The following ADAM12 variants were observed in gnomAD, a reference collection of about 807,000 sequenced individuals.
The protein encoded by ADAM12 is ADAM metallopeptidase domain 12.
A neutral mutation model predicts 106.4 loss-of-function variants in ADAM12; 70 were observed. The observed-to-expected ratio is 0.66, with a 90% CI of 0.54 to 0.80. The LOEUF is 0.80. ADAM12 is among the 30% of genes least tolerant of loss of function. ADAM12 has a pLI of 0.00. For synonymous variants in ADAM12, 420 were observed against 433.5 expected (o/e 0.97, Z 0.39); for missense variants, 1,010 against 1,171.9 (o/e 0.86, Z 2.02).
At chr10:126,295,436 G>A (rs1960323702) in intron 2 of ADAM12, among the ~76,000 whole-genome samples, 1 of 152,136 alleles carries the variant, frequency 6.6e-6, no homozygotes. Context: ...TTTTGTCTAA[G>A]AATATATTTC....
At chr10:126,364,586 C>A (rs1320658498) in intron 1 of ADAM12, among the ~76,000 whole-genome samples, 2 of 151,984 alleles carry the variant, frequency 1.3e-5, no homozygotes, top group African/African-American at 4.8e-5. Flanking sequence ...AAAAATAACA[C>A]CTAAAAAGTG....
chr10:126,154,112 T>C (rs1348927753), intron 4 of ADAM12, among the ~76,000 whole-genome samples: 1 of 152,152 alleles, frequency 6.6e-6, no homozygotes, highest in East Asian at 1.9e-4. Context: ...GTTACTTCTC[T>C]TTTTCCAAAC....
At chr10:126,221,823 C>T (rs541621988) in intron 3 of ADAM12, among the ~76,000 whole-genome samples, 39 of 152,286 alleles carry the variant, frequency 2.6e-4, no homozygotes, top group African/African-American at 7.0e-4. Context: ...CCAGGTGCTA[C>T]GAAACTCTAC....
At chr10:126,282,935 T>C in intron 2 of ADAM12, among the ~76,000 whole-genome samples, 1 of 152,098 alleles carries the variant, frequency 6.6e-6, no homozygotes, top group Non-Finnish European at 1.5e-5. Flanking sequence ...ACTTTATTTC[T>C]ATCGTCATTA....
chr10:126,158,391 G>GGAGAGGATGCACAGAGCACGGA (rs1316587465), intron 3 of ADAM12, among the ~76,000 whole-genome samples: 1 of 80,180 alleles, frequency 1.2e-5, no homozygotes, highest in African/African-American at 4.0e-5. Context: ...CAGAGCATGG[G>GGAGAGGATGCACAGAGCACGGA]GAGAGGATGC....
chr10:126,080,624 G>C (rs1955194002), intron 11 of ADAM12, among the ~76,000 whole-genome samples: 1 of 152,160 alleles, frequency 6.6e-6, no homozygotes, highest in Admixed American at 6.5e-5. Flanking sequence ...GACCTCTTTT[G>C]TTAGCCTTGC....
chr10:126,102,776 G>A (rs1364418717), intron 8 of ADAM12, among the ~76,000 whole-genome samples: 4 of 152,182 alleles, frequency 2.6e-5, no homozygotes, highest in Admixed American at 6.5e-5. Context: ...CATGGCCCAC[G>A]CTATCTACTT....
chr10:126,028,754 T>G (rs1288145668), intron 21 of ADAM12, among the ~76,000 whole-genome samples: 4 of 152,074 alleles, frequency 2.6e-5, no homozygotes, highest in African/African-American at 7.2e-5. Context: ...CGAAAAGATT[T>G]CATGACAACA....
intron 1 of ADAM12, among the ~76,000 whole-genome samples, chr10:126,337,532 T>A (rs1338194067): frequency 6.6e-6 from 1 of 152,210 alleles, no homozygotes; most frequent in Non-Finnish European, 1.5e-5. Context: ...TTCCTCCACC[T>A]GCTTTGTTCC....
intron 11 of ADAM12, among the ~76,000 whole-genome samples, chr10:126,086,460 G>A (rs747578634): frequency 1.2e-4 from 18 of 150,144 alleles, no homozygotes; most frequent in African/African-American, 1.2e-4. Context: ...TGGATCACTC[G>A]AGGCCAGCAG....
At chr10:126,337,669 C>A (rs1854756347) in intron 1 of ADAM12, among the ~76,000 whole-genome samples, 1 of 152,178 alleles carries the variant, frequency 6.6e-6, no homozygotes, top group South Asian at 2.1e-4. Context: ...AGAAACAATA[C>A]TTTATCAGCC....
intron 2 of ADAM12, among the ~76,000 whole-genome samples, chr10:126,327,146 C>T (rs940547495): frequency 1.2e-4 from 19 of 152,132 alleles, no homozygotes; most frequent in African/African-American, 4.3e-4. Context: ...GGAGCCATGG[C>T]GTGGGGCTGT....
At chr10:126,264,453 A>C (rs1282060473) in intron 3 of ADAM12, among the ~76,000 whole-genome samples, 2 of 152,256 alleles carry the variant, frequency 1.3e-5, no homozygotes, top group African/African-American at 4.8e-5. Context: ...CATGTTTTTC[A>C]TAAGGAAGAA....
intron 1 of ADAM12, among the ~76,000 whole-genome samples, chr10:126,335,318 T>G (rs529542272): frequency 7.2e-5 from 11 of 152,196 alleles, no homozygotes; most frequent in Non-Finnish European, 1.3e-4. Flanking sequence ...TATCAACACC[T>G]ACATGAACTT....
chr10:126,150,221 G>A (rs1306438779), intron 4 of ADAM12, among the ~76,000 whole-genome samples: 1 of 152,134 alleles, frequency 6.6e-6, no homozygotes, highest in Non-Finnish European at 1.5e-5. Flanking sequence ...TGTGGAGATA[G>A]CCTCAGTGCT....
At chr10:126,026,870 GA>G (rs1953883461) in intron 21 of ADAM12, among the ~76,000 whole-genome samples, 1 of 151,746 alleles carries the variant, frequency 6.6e-6, no homozygotes, top group South Asian at 2.1e-4. Context: ...AAGAACTAGA[GA>G]AACAAGAGCA....
chr10:126,136,784 A>C (rs1030578738), intron 4 of ADAM12, among the ~76,000 whole-genome samples: 8 of 152,184 alleles, frequency 5.3e-5, no homozygotes, highest in Non-Finnish European at 1.2e-4. Flanking sequence ...AAGGCGATGA[A>C]AGGAGGGTGA....
chr10:126,208,955 C>T (rs1297532180), intron 3 of ADAM12, among the ~76,000 whole-genome samples: 4 of 151,072 alleles, frequency 2.6e-5, no homozygotes, highest in East Asian at 1.9e-4. Context: ...AACTTCTTAT[C>T]GTAAGAATGT....
chr10:126,023,147 C>T (rs1017465198), intron 21 of ADAM12, among the ~76,000 whole-genome samples: 75 of 152,084 alleles, frequency 4.9e-4, no homozygotes, highest in African/African-American at 1.7e-3. Flanking sequence ...AGGGCTGGGG[C>T]GGCATCAATA....
Sources: allele counts gnomAD v4.1 joint callset (sites outside exome capture counted in the v4.1 genomes callset), GRCh38; gene constraint gnomAD v4.1.1; transcripts MANE v1.5; gene names NCBI Gene and HGNC (gene_info 2026-07-23, HGNC 2026-07-21).